The following BICC1 variants were observed in gnomAD, a reference collection of about 807,000 sequenced individuals.
The protein encoded by BICC1 is protein bicaudal C homolog 1.
In BICC1, 43 loss-of-function variants were observed where a neutral mutation model predicts 111.0. The ratio of observed to expected loss-of-function variants is 0.39; its 90% CI spans 0.30 to 0.50. The LOEUF is 0.50. Ranked by LOEUF, BICC1 falls within the 20% of genes least tolerant of loss-of-function variation. The pLI is 0.88. For synonymous variants in BICC1, 467 were observed against 434.4 expected (o/e 1.07, Z -0.93); for missense variants, 1,091 against 1,203.2 (o/e 0.91, Z 1.38).
At chr10:58,790,744 G>A in intron 8 of BICC1, among the ~76,000 whole-genome samples, 1 of 152,188 alleles carries the variant, frequency 6.6e-6, no homozygotes, top group Non-Finnish European at 1.5e-5. Flanking sequence ...AGAATTGCTT[G>A]AACCCAGAAA....
chr10:58,800,486 A>G (rs1304434570), intron 13 of BICC1, among the ~76,000 whole-genome samples, 160 bp downstream of exon 13: 2 of 152,234 alleles, frequency 1.3e-5, no homozygotes, highest in East Asian at 3.9e-4. Context: ...AAAATTTCAA[A>G]GAGCATGGTG....
intron 2 of BICC1, among the ~76,000 whole-genome samples, chr10:58,633,495 G>C (rs1837860732): frequency 1.3e-5 from 2 of 152,182 alleles, no homozygotes; most frequent in African/African-American, 4.8e-5. Context: ...TGCATTCCTA[G>C]CAAGATTAAC....
At chr10:58,704,105 A>C (rs373102775) in intron 3 of BICC1, among the ~76,000 whole-genome samples, 1 of 152,194 alleles carries the variant, frequency 6.6e-6, no homozygotes, top group East Asian at 1.9e-4. Flanking sequence ...ACTATATTGC[A>C]CATTTTGATT....
chr10:58,773,605 C>T (rs10826239), intron 3 of BICC1, among the ~76,000 whole-genome samples: 115,566 of 152,142 alleles, frequency 0.76, 44,573 homozygotes, highest in East Asian at 1. Flanking sequence ...AGTGGAATTG[C>T]AGTCATGGAG....
Position 58,820,452 on chromosome 10 carries a change from G to T in BICC1, c.2778G>T (p.Met926Ile). 1 of 1,608,356 alleles carries T rather than the reference G, an allele frequency of 6.2e-7. No individual in the cohort carries two copies. The highest frequency in any genetic ancestry group is 8.5e-7 in the Non-Finnish European group (1 of 1,175,290). Residue 926 changes from methionine to isoleucine, a missense_variant, in exon 20 of 21, where the codon ATG becomes ATT. Physicochemically the swap from Met to Ile is conservative, Grantham distance 10. Coordinates refer to ENST00000373886, the MANE Select transcript of BICC1 (RefSeq NM_001080512.3). ...CTACTTTTGGTGCCAGGAGGAAAAT[G>T]CTGCTTGCAATTTCAGGTGAATATA... is the stretch of plus-strand genomic sequence containing the variant. Reference protein sequence around the residue: ...GITTFGARRKMLLAISELNKN... With the variant: ...GITTFGARRKILLAISELNKN...
chr10:58,520,387 C>G (rs1328155698), intron 1 of BICC1, among the ~76,000 whole-genome samples: 2 of 152,228 alleles, frequency 1.3e-5, no homozygotes, highest in Middle Eastern at 3.4e-3. Context: ...GTACTACCAT[C>G]TAGGGCAGTC....
chr10:58,828,806 G>A lies in BICC1; in HGVS notation c.2840G>A (p.Arg947His), dbSNP rs757594836. 2.7e-5 allele frequency: 44 copies of A among 1,613,660 alleles called. No homozygotes were observed. Among genetic ancestry groups the A allele is most frequent in the South Asian group, 6.6e-5 (6 of 91,082 alleles). The change falls in exon 21 of 21, where the codon CGC (arginine) becomes CAC (histidine). Residue 947 changes from arginine to histidine, a missense_variant. Arg to His is a conservative substitution (Grantham distance 29, BLOSUM62 0). Around this residue, in one of 3 missense-constraint regions of BICC1, gnomAD observed 231 missense variants for 256.2 expected, o/e 0.90. Transcript: ENST00000373886. ...RRKLFESPNARTSFLEGGASG... is the reference protein window; with the variant it reads ...RRKLFESPNAHTSFLEGGASG... ...AAGCTTTTTGAATCGCCAAATGCAC[G>A]CACCTCTTTCCTGGAAGGTGGAGCG...
intron 3 of BICC1, among the ~76,000 whole-genome samples, chr10:58,713,290 C>G (rs1293939498): frequency 6.6e-6 from 1 of 152,156 alleles, no homozygotes; most frequent in Non-Finnish European, 1.5e-5. Context: ...AGAACAGATG[C>G]TTTTTATGTC....
At chr10:58,641,182 T>C (rs1349235966) in intron 2 of BICC1, among the ~76,000 whole-genome samples, 1 of 152,202 alleles carries the variant, frequency 6.6e-6, no homozygotes, top group Non-Finnish European at 1.5e-5. Context: ...ATAATTTCTT[T>C]TTATAGAGCA....
intron 2 of BICC1, among the ~76,000 whole-genome samples, chr10:58,691,170 C>T (rs986660265): frequency 3.3e-5 from 5 of 152,086 alleles, no homozygotes; most frequent in African/African-American, 9.7e-5. Context: ...AATATCTACC[C>T]TCTTAGCAAA....
At chr10:58,608,043 C>G (rs767777423) in intron 1 of BICC1, among the ~76,000 whole-genome samples, 1 of 152,078 alleles carries the variant, frequency 6.6e-6, no homozygotes, top group African/African-American at 2.4e-5. Flanking sequence ...AGATCATTTA[C>G]TGAAGAAAGG....
intron 1 of BICC1, among the ~76,000 whole-genome samples, chr10:58,589,905 A>C (rs967530405): frequency 4.6e-5 from 7 of 152,108 alleles, no homozygotes; most frequent in Non-Finnish European, 8.8e-5. Context: ...TCGTGGCCTC[A>C]AGCGATCGTC....
At chr10:58,531,669 A>G (rs1000129027) in intron 1 of BICC1, among the ~76,000 whole-genome samples, 8 of 151,886 alleles carry the variant, frequency 5.3e-5, no homozygotes, top group Admixed American at 3.9e-4. Context: ...AACATATACA[A>G]TGAAACTGTG....
intron 2 of BICC1, among the ~76,000 whole-genome samples, chr10:58,688,093 A>G (rs1015042314): frequency 4.6e-5 from 7 of 152,182 alleles, no homozygotes; most frequent in African/African-American, 1.2e-4. Context: ...GACCTTTACA[A>G]TGAGTGTTAC....
chr10:58,610,031 T>C (rs895802274), intron 1 of BICC1, among the ~76,000 whole-genome samples: 11 of 152,216 alleles, frequency 7.2e-5, no homozygotes, highest in Admixed American at 2.0e-4. Context: ...GAAATTCCAT[T>C]GACATATGTT....
intron 2 of BICC1, among the ~76,000 whole-genome samples, chr10:58,628,189 C>A (rs1000963648): frequency 2.0e-5 from 3 of 152,046 alleles, no homozygotes; most frequent in African/African-American, 7.2e-5. Flanking sequence ...CTTTTATAAT[C>A]AGGATTAAAA....
Position 58,800,903 on chromosome 10 carries a change from T to C in BICC1, c.1872T>C (p.Ala624=). 1 of 1,601,206 alleles carries C rather than the reference T, an allele frequency of 6.2e-7. No individual in the cohort carries two copies. The highest frequency in any genetic ancestry group is 8.5e-7 in the Non-Finnish European group (1 of 1,175,018). The stretch of plus-strand genomic sequence containing the variant: ...TTTCCTCTGCAGGTTGTAATGATGC[T>C]TTTGTTGAAGTAGGCATGCCTCGAA... The part of the protein sequence containing the change: ...KSSPTEGCND[A]FVEVGMPRSP... The change falls in exon 14 of 21, where the codon GCT becomes GCC. Residue 624 remains alanine (A), a synonymous_variant. Coordinates refer to ENST00000373886, the MANE Select transcript of BICC1 (RefSeq NM_001080512.3).
intron 1 of BICC1, among the ~76,000 whole-genome samples, chr10:58,530,530 T>C (rs1842652973): frequency 6.6e-6 from 1 of 151,670 alleles, no homozygotes; most frequent in Non-Finnish European, 1.5e-5. Context: ...TAAAGAAGTA[T>C]GTTTAGTGTA....
chr10:58,817,161 A>T (rs985103033), intron 18 of BICC1, among the ~76,000 whole-genome samples: 4 of 152,078 alleles, frequency 2.6e-5, no homozygotes, highest in Non-Finnish European at 5.9e-5. Flanking sequence ...CTGCCATCCA[A>T]CGGAGCCTGG....
Sources: allele counts gnomAD v4.1 joint callset (sites outside exome capture counted in the v4.1 genomes callset), GRCh38; gene constraint gnomAD v4.1.1; regional missense constraint gnomAD v4.1.1; transcripts MANE v1.5; gene names NCBI Gene and HGNC (gene_info 2026-07-23, HGNC 2026-07-21).